Variants in FREM1 observed in about 807,000 individuals in gnomAD.
The protein encoded by FREM1 is FRAS1-related extracellular matrix protein 1.
In FREM1, 220 loss-of-function variants were observed where a neutral mutation model predicts 210.1. The ratio of observed to expected loss-of-function variants is 1.05; its 90% CI spans 0.94 to 1.17. The LOEUF is 1.17. FREM1 is among the 50% of genes most tolerant of loss of function. The pLI is 0.00. For missense variants in FREM1, 3,454 were observed against 2,675.5 expected (o/e 1.29, Z -6.42); for synonymous variants, 1,189 against 980.2 (o/e 1.21, Z -3.98).
chr9:14,810,201 G>A (rs1819151104), intron 16 of FREM1, among the ~76,000 whole-genome samples: 2 of 152,016 alleles, frequency 1.3e-5, no homozygotes, highest in South Asian at 2.1e-4. Context: ...AGAGGCAATG[G>A]GGGAGAGAAA....
intron 1 of FREM1, among the ~76,000 whole-genome samples, chr9:14,883,621 G>A (rs925333476): frequency 6.6e-6 from 1 of 152,220 alleles, no homozygotes; most frequent in African/African-American, 2.4e-5. Context: ...ATTTCACAGT[G>A]ATGATGGGTC....
intron 27 of FREM1, among the ~76,000 whole-genome samples, chr9:14,766,402 A>G (rs1239821662): frequency 6.6e-6 from 1 of 152,142 alleles, no homozygotes; most frequent in Non-Finnish European, 1.5e-5. Context: ...AGGTGATTCT[A>G]TAGCCCAGTT....
chr9:14,743,859 T>C (rs1353551781), intron 35 of FREM1, among the ~76,000 whole-genome samples: 1 of 152,064 alleles, frequency 6.6e-6, no homozygotes, highest in African/African-American at 2.4e-5. Flanking sequence ...TTGATCAACA[T>C]CAAAGCCCTT....
intron 35 of FREM1, among the ~76,000 whole-genome samples, chr9:14,744,328 C>G (rs1446910686): frequency 6.6e-6 from 1 of 152,080 alleles, no homozygotes; most frequent in Non-Finnish European, 1.5e-5. Context: ...GTATATACAT[C>G]TATTTAATAA....
At chr9:14,856,110 C>T (rs1256778760) in intron 5 of FREM1, among the ~76,000 whole-genome samples, 1 of 152,022 alleles carries the variant, frequency 6.6e-6, no homozygotes, top group Non-Finnish European at 1.5e-5. Flanking sequence ...CAGCAATATG[C>T]ATAGTGCTAC....
intron 24 of FREM1, among the ~76,000 whole-genome samples, chr9:14,782,839 G>A (rs1212006076): frequency 3.3e-5 from 5 of 152,172 alleles, no homozygotes; most frequent in African/African-American, 7.2e-5. Flanking sequence ...CAGGTGCTAC[G>A]AGCATCATTC....
In FREM1 at chr9:14,775,786, T is replaced by C. The variant is rs375253543; in HGVS notation, c.4857+3A>G. On this transcript the variant is annotated splice_donor_region_variant and intron_variant, in intron 25 of 36. Transcript: ENST00000380880. ...GCAAATGAACTGTGTTTTTCATACTTGCCTGAATGGTGAATAAAACAGGTT... is the reference window on the plus strand; with the variant it reads ...GCAAATGAACTGTGTTTTTCATACTCGCCTGAATGGTGAATAAAACAGGTT... 275 of 1,602,726 alleles carry C rather than the reference T, an allele frequency of 1.7e-4. No individual in the cohort carries two copies. The highest frequency in any genetic ancestry group is 2.2e-4 in the Non-Finnish European group (257 of 1,170,626).
intron 1 of FREM1, among the ~76,000 whole-genome samples, chr9:14,873,160 G>C (rs1025892501): frequency 2.1e-4 from 32 of 152,186 alleles, no homozygotes; most frequent in South Asian, 4.1e-4. Context: ...CCAGGCTTTG[G>C]TATCAGGATG....
intron 27 of FREM1, among the ~76,000 whole-genome samples, chr9:14,766,777 A>G: frequency 6.6e-6 from 1 of 152,146 alleles, no homozygotes; most frequent in East Asian, 1.9e-4. Flanking sequence ...GGGAATATGA[A>G]TCTATTAATC....
chr9:14,867,805 C>T (rs1334105699), intron 2 of FREM1, among the ~76,000 whole-genome samples: 1 of 152,144 alleles, frequency 6.6e-6, no homozygotes, highest in Admixed American at 6.5e-5. Flanking sequence ...ATTGTTTGCA[C>T]TGGGAGCAAA....
intron 18 of FREM1, 85 bp from the exon 19 acceptor site, chr9:14,805,237 A>C: frequency 1.5e-6 from 1 of 683,738 alleles, no homozygotes; most frequent in Non-Finnish European, 2.4e-6. Flanking sequence ...AATAATAGTC[A>C]ATTTCTCAGT....
chr9:14,763,855 C>T (rs573351966), intron 27 of FREM1, among the ~76,000 whole-genome samples: 1 of 152,218 alleles, frequency 6.6e-6, no homozygotes, highest in East Asian at 1.9e-4. Flanking sequence ...TTGTGATAAC[C>T]CAGGTGTCTT....
At chr9:14,875,897 A>C (rs1277588137) in intron 1 of FREM1, among the ~76,000 whole-genome samples, 1 of 152,248 alleles carries the variant, frequency 6.6e-6, no homozygotes, top group Non-Finnish European at 1.5e-5. Context: ...TCTAACAGAC[A>C]GGACCCTCAG....
At chr9:14,766,971 C>G (rs190361441) in intron 27 of FREM1, among the ~76,000 whole-genome samples, 1 of 152,182 alleles carries the variant, frequency 6.6e-6, no homozygotes, top group African/African-American at 2.4e-5. Context: ...GAATTAACTA[C>G]AACAGTAATC....
At chr9:14,788,676 G>A (rs1258920134) in intron 23 of FREM1, among the ~76,000 whole-genome samples, 6 of 152,062 alleles carry the variant, frequency 3.9e-5, no homozygotes, top group Non-Finnish European at 7.4e-5. Context: ...TGTGTGCAAG[G>A]CTGAATTTCC....
At chr9:14,795,362 A>T (rs1194691183) in intron 21 of FREM1, among the ~76,000 whole-genome samples, 1 of 152,228 alleles carries the variant, frequency 6.6e-6, no homozygotes, top group African/African-American at 2.4e-5. Context: ...AACTGAGTCA[A>T]TCTGACTCCA....
chr9:14,782,936 C>T (rs10961704), intron 24 of FREM1, among the ~76,000 whole-genome samples: 19,014 of 152,164 alleles, frequency 0.12, 1,340 homozygotes, highest in Non-Finnish European at 0.16. Context: ...GCAGTTCTTG[C>T]CCCCAAGCCT....
At chr9:14,761,849 C>G (rs1006139234) in intron 27 of FREM1, among the ~76,000 whole-genome samples, 4 of 152,202 alleles carry the variant, frequency 2.6e-5, no homozygotes, top group Non-Finnish European at 5.9e-5. Context: ...GTTCAAGTCA[C>G]TCTAATTTTA....
At position 14,863,877 on chromosome 9, in the gene FREM1, G is replaced by T; in HGVS notation, c.261C>A (p.Asn87Lys). ...PQVFDCHFLP[N>K]EVKYVHNGCP... ...AACCATTGTGAACATACTTGACTTC[G>T]TTGGGAAGGAAATGGCAGTCAAAGA... The change falls in exon 3 of 37, where the codon AAC becomes AAA. Residue 87 changes from asparagine (N) to lysine (K), a missense_variant. Physicochemically the swap from Asn to Lys is moderately conservative, Grantham distance 94 (BLOSUM62 0). Transcript: ENST00000380880. 6.2e-7 allele frequency: 1 copy of T among 1,612,002 alleles called. No homozygotes were observed. The highest frequency in any genetic ancestry group is 1.3e-5 in the African/African-American group (1 of 74,964).
Sources: gnomAD v4.1 joint callset for allele counts (sites outside exome capture counted in the v4.1 genomes callset) on GRCh38, gnomAD v4.1.1 for gene constraint, MANE v1.5 for transcripts, NCBI Gene and HGNC (gene_info 2026-07-23, HGNC 2026-07-21) for gene names.